The following SERPINB7 variants were observed in gnomAD, a reference collection of about 807,000 sequenced individuals.
SERPINB7 encodes the protein serpin family B member 7.
Under a neutral mutation model 37.4 loss-of-function variants are expected in SERPINB7, and 31 were observed. That is an observed-to-expected ratio of 0.83 (90% CI 0.62 to 1.12). The LOEUF is 1.12. Ranked by LOEUF, SERPINB7 falls within the 50% of genes most tolerant of loss-of-function variation. The pLI is 0.00. For synonymous variants in SERPINB7, 163 were observed against 166.1 expected (o/e 0.98, Z 0.14); for missense variants, 521 against 455.3 (o/e 1.14, Z -1.31).
intron 2 of SERPINB7, among the ~76,000 whole-genome samples, chr18:63,784,863 C>T (rs1017810627): frequency 6.6e-6 from 1 of 152,208 alleles, no homozygotes; most frequent in South Asian, 2.1e-4. Flanking sequence ...CGGCTCTTAC[C>T]TACTGTGTGC....
In SERPINB7 at chr18:63,804,647, G is replaced by T. The variant is rs370741451; in HGVS notation, c.*12G>T. ...TTTCTTGCCCTTGAAAATCCAATTG[G>T]TTTCTGTTATAGCAGTCCCCACAAC... On this transcript the variant is annotated 3_prime_UTR_variant, in exon 8 of 8. Transcript: ENST00000398019. The T allele has an allele frequency of 4.5e-5, 71 of 1,594,860 alleles. No individual in the cohort carries two copies. The highest frequency in any genetic ancestry group is 1.9e-4 in the Admixed American group (11 of 58,466).
chr18:63,790,568 G>C (rs1167683031), intron 2 of SERPINB7, among the ~76,000 whole-genome samples: 1 of 152,128 alleles, frequency 6.6e-6, no homozygotes, highest in African/African-American at 2.4e-5. Context: ...CTTTGTGTGA[G>C]ACAATGTGTA....
At chr18:63,791,193 G>C (rs1306536045) in intron 2 of SERPINB7, among the ~76,000 whole-genome samples, 1 of 152,150 alleles carries the variant, frequency 6.6e-6, no homozygotes, top group Non-Finnish European at 1.5e-5. Context: ...TAATGTAGAT[G>C]ATGGGTTGAT....
chr18:63,778,498 A>G (rs1002251602), intron 1 of SERPINB7, among the ~76,000 whole-genome samples: 7 of 152,148 alleles, frequency 4.6e-5, no homozygotes, highest in Admixed American at 2.6e-4. Flanking sequence ...TATACAGGCA[A>G]AAGTATCCTA....
chr18:63,767,212 T>C (rs1265774220), intron 1 of SERPINB7, among the ~76,000 whole-genome samples: 3 of 152,138 alleles, frequency 2.0e-5, no homozygotes, highest in Non-Finnish European at 2.9e-5. Flanking sequence ...CCGAACTTTT[T>C]AGAGCTCTCT....
Position 63,793,245 on chromosome 18 carries a change from C to CT in SERPINB7, c.309dup (p.Ala104CysfsTer2). The stretch of plus-strand genomic sequence containing the variant: ...TTATGATCTCAGCATTGTGAATGGG[C>CT]TTTTTGCTGAAAAAGTGTATGGCTT... On this transcript the variant is annotated frameshift_variant, in exon 4 of 8. Coordinates refer to ENST00000398019, the MANE Select transcript of SERPINB7 (RefSeq NM_003784.4). LOFTEE classifies it high-confidence loss of function. 6.2e-7 allele frequency: 1 copy of CT among 1,602,882 alleles called. No homozygotes were observed. The highest frequency in any genetic ancestry group is 8.5e-7 in the Non-Finnish European group (1 of 1,173,156).
intron 2 of SERPINB7, among the ~76,000 whole-genome samples, chr18:63,782,853 T>C (rs1277016121): frequency 1.3e-5 from 2 of 152,052 alleles, no homozygotes; most frequent in Non-Finnish European, 2.9e-5. Flanking sequence ...GAAATGCAAA[T>C]GCTGGCCGGG....
chr18:63,799,638 T>G (rs183040002), intron 6 of SERPINB7, among the ~76,000 whole-genome samples: 11 of 152,300 alleles, frequency 7.2e-5, no homozygotes, highest in Non-Finnish European at 1.3e-4. Context: ...TGTGATTCTT[T>G]CCCTGCCCCA....
At chr18:63,754,880 C>CTTTTTTTTTT (rs71162676) in intron 1 of SERPINB7, among the ~76,000 whole-genome samples, 7 of 57,980 alleles carry the variant, frequency 1.2e-4, no homozygotes, top group Admixed American at 2.9e-4. Flanking sequence ...AAACTGAGGT[C>CTTTTTTTTTT]TTTTTTTTTT....
At chr18:63,789,833 A>G (rs79516872) in intron 2 of SERPINB7, among the ~76,000 whole-genome samples, 5,454 of 152,306 alleles carry the variant, frequency 0.036, 129 homozygotes, top group African/African-American at 0.068. Flanking sequence ...AAATGTTCTT[A>G]TAGACTGATA....
At chr18:63,786,992 A>T (rs1701638) in intron 2 of SERPINB7, among the ~76,000 whole-genome samples, 26,523 of 152,118 alleles carry the variant, frequency 0.17, 3,679 homozygotes, top group East Asian at 0.5. Context: ...GATTTCAGCA[A>T]GTTTGTTTAT....
At chr18:63,802,720 A>T (rs2049563134) in intron 7 of SERPINB7, among the ~76,000 whole-genome samples, 1 of 152,212 alleles carries the variant, frequency 6.6e-6, no homozygotes, top group Non-Finnish European at 1.5e-5. Context: ...GGACAGGGGA[A>T]TGAATATAAA....
intron 1 of SERPINB7, among the ~76,000 whole-genome samples, chr18:63,754,959 G>A (rs147519703): frequency 0.012 from 1,275 of 107,062 alleles, no homozygotes; most frequent in Non-Finnish European, 0.013. Flanking sequence ...GACTGCAGTG[G>A]CGCAATCTCG....
chr18:63,791,703 T>C (rs906025832), intron 2 of SERPINB7, among the ~76,000 whole-genome samples: 23 of 152,202 alleles, frequency 1.5e-4, no homozygotes, highest in African/African-American at 4.8e-4. Context: ...CTCTACCTCC[T>C]GGGTTCACGC....
At chr18:63,803,553 G>T (rs947135863) in intron 7 of SERPINB7, among the ~76,000 whole-genome samples, 2 of 152,158 alleles carry the variant, frequency 1.3e-5, no homozygotes, top group Non-Finnish European at 2.9e-5. Context: ...TTGTTTGTGG[G>T]CAGCGATGCT....
intron 1 of SERPINB7, among the ~76,000 whole-genome samples, chr18:63,754,907 T>C (rs1233043177): frequency 1.5e-4 from 19 of 129,652 alleles, no homozygotes; most frequent in African/African-American, 5.4e-4. Flanking sequence ...TTTTTTTTTT[T>C]TTTGAGACGG....
chr18:63,774,751 G>A (rs955084362), upstream of SERPINB7, among the ~76,000 whole-genome samples: 1 of 152,092 alleles, frequency 6.6e-6, no homozygotes, highest in African/African-American at 2.4e-5. Flanking sequence ...CCAAGTTTCA[G>A]CTCCTATCTG....
At chr18:63,760,393 TA>T (rs1388586585) in intron 1 of SERPINB7, among the ~76,000 whole-genome samples, 104 of 152,262 alleles carry the variant, frequency 6.8e-4, no homozygotes, top group African/African-American at 2.4e-3. Flanking sequence ...TTCTGTTTTA[TA>T]AGGGAAGCAG....
chr18:63,778,303 T>C (rs2049270127), intron 1 of SERPINB7, among the ~76,000 whole-genome samples: 1 of 152,118 alleles, frequency 6.6e-6, no homozygotes, highest in Non-Finnish European at 1.5e-5. Flanking sequence ...TTAAAAGAAA[T>C]ACAAAGATTT....
Sources: allele counts gnomAD v4.1 joint callset (sites outside exome capture counted in the v4.1 genomes callset), GRCh38; gene constraint gnomAD v4.1.1; transcripts MANE v1.5; gene names NCBI Gene and HGNC (gene_info 2026-07-23, HGNC 2026-07-21).